ST8SIA3: variants seen among roughly 807,000 people sequenced by gnomAD.
ST8SIA3 encodes ST8 alpha-N-acetyl-neuraminide alpha-2,8-sialyltransferase 3, also known as alpha-N-acetylneuraminate alpha-2,8-sialyltransferase ST8SIA3.
In ST8SIA3, 17 loss-of-function variants were observed where a neutral mutation model predicts 34.5. The ratio of observed to expected loss-of-function variants is 0.49; its 90% confidence interval spans 0.34 to 0.74. The LOEUF (loss-of-function observed/expected upper bound fraction) is 0.74, where lower values mean the gene tolerates loss of function less well. Among genes scored for constraint, ST8SIA3 ranks in the 30% least tolerant of loss-of-function variants. The pLI is 0.01. For synonymous variants in ST8SIA3, 172 were observed against 176.1 expected (o/e 0.98, Z 0.19); for missense variants, 354 against 467.8 (o/e 0.76, Z 2.24).
rs1015279949 is a variant in ST8SIA3 at position 57,363,641 on chromosome 18, G to A, written c.*3364G>A. The A allele has an allele frequency of 6.6e-6, 1 of 152,240 alleles. No homozygotes were observed. The highest frequency in any genetic ancestry group is 2.4e-5 in the African/African-American group (1 of 41,452). The allele number at this position is 152,240 out of a possible 1,614,324, so 9.4% of individuals were successfully genotyped here. A position where few individuals can be genotyped will look rare whatever the true frequency, so the allele number is the denominator to read the frequency against. ...GTGCCAAGAGAAACCTAATTTGGTG[G>A]GGAAGCCAAGGAATGGGAGAACGTT... On this transcript the variant is annotated 3_prime_UTR_variant, in exon 4 of 4. Coordinates refer to ENST00000324000, the MANE Select transcript of ST8SIA3 (RefSeq NM_015879.3).
rs573976753 is a variant in ST8SIA3 at position 57,352,819 on chromosome 18, G to T, written c.-28G>T. 3 of 1,606,958 alleles carry T rather than the reference G, an allele frequency of 1.9e-6. No individual in the cohort carries two copies. In the South Asian group the frequency reaches 3.3e-5, roughly 18 times the overall value. On this transcript the variant is annotated 5_prime_UTR_variant, in exon 1 of 4. Coordinates refer to ENST00000324000, the MANE Select transcript of ST8SIA3 (RefSeq NM_015879.3). ...GGCCGCTCAATGGACCGATTTCCCC[G>T]GTTTCCCTGAACCCAGCCCAGCCCG...
chr18:57,354,355 C>T (rs996540714), intron 1 of ST8SIA3, 47 bp from the exon 2 acceptor site: 20 of 1,610,532 alleles, frequency 1.2e-5, no homozygotes, highest in African/African-American at 2.7e-5. Context: ...CCTCGGCTTC[C>T]CCGAGCTGAG....
intron 3 of ST8SIA3, among the ~76,000 whole-genome samples, chr18:57,359,072 A>G (rs949798196): frequency 2.6e-5 from 4 of 152,206 alleles, no homozygotes; most frequent in South Asian, 2.1e-4. Flanking sequence ...GGAGTTAATC[A>G]TAATGTTTCT....
At chr18:57,357,663 TG>T (rs896711362) in intron 3 of ST8SIA3, among the ~76,000 whole-genome samples, 193 bp downstream of exon 3, 5 of 152,224 alleles carry the variant, frequency 3.3e-5, no homozygotes, top group African/African-American at 9.6e-5. Context: ...TACCCACAGC[TG>T]GTAACCAAGT....
At position 57,360,535 on chromosome 18, in the gene ST8SIA3, T is replaced by G. The variant is rs1263110598; in HGVS notation, c.*258T>G. The G allele has an allele frequency of 4.4e-6, 2 of 453,278 alleles. No individual in the cohort carries two copies. The highest frequency in any genetic ancestry group is 1.9e-5 in the African/African-American group (1 of 51,292). 28.1% of individuals were successfully genotyped at this position (453,278 alleles called of 1,614,324 possible). A position where few individuals can be genotyped will look rare whatever the true frequency, so the allele number is the denominator to read the frequency against. Reference sequence around the variant, plus strand: ...GGACTATGCTGCTAACGAAATGGTTTGAAGTATTTTCATGTTTGGATTTTA... The same window carrying G: ...GGACTATGCTGCTAACGAAATGGTTGGAAGTATTTTCATGTTTGGATTTTA... On this transcript the variant is annotated 3_prime_UTR_variant, in exon 4 of 4. Coordinates refer to ENST00000324000, the MANE Select transcript of ST8SIA3 (RefSeq NM_015879.3).
At chr18:57,357,828 T>A (rs1268695299) in intron 3 of ST8SIA3, among the ~76,000 whole-genome samples, 2 of 152,188 alleles carry the variant, frequency 1.3e-5, no homozygotes, top group Admixed American at 1.3e-4. Flanking sequence ...AATGGCTAAA[T>A]TAGAGACAAA....
In ST8SIA3 at chr18:57,362,302, G is replaced by A. The variant is rs1446264780; in HGVS notation, c.*2025G>A. 3 of 152,142 alleles carry A rather than the reference G, an allele frequency of 2.0e-5. No individual in the cohort carries two copies. The highest frequency in any genetic ancestry group is 4.4e-5 in the Non-Finnish European group (3 of 68,030). The allele number at this position is 152,142 out of a possible 1,614,324, so 9.4% of individuals were successfully genotyped here. On this transcript the variant is annotated 3_prime_UTR_variant, in exon 4 of 4. Transcript: ENST00000324000. ...GAAGTGTTTAGTTGGCTGTTCCTGA[G>A]CACTTAGTTCATTTGGTTATAGCTA...
Position 57,366,131 on chromosome 18 carries a change from C to G in ST8SIA3, c.*5854C>G, listed in dbSNP as rs925611133. 2.0e-5 allele frequency: 3 copies of G among 152,192 alleles called. No homozygotes were observed. Among genetic ancestry groups the G allele is most frequent in the Non-Finnish European group, 4.4e-5 (3 of 68,036 alleles). 9.4% of individuals were successfully genotyped at this position (152,192 alleles called of 1,614,324 possible). Reference sequence around the variant, plus strand: ...GGCTCCAATACAGCATGAGCCAGCTCCAGCATAGCACTGCCTGAACAATTT... The same window carrying G: ...GGCTCCAATACAGCATGAGCCAGCTGCAGCATAGCACTGCCTGAACAATTT... On this transcript the variant is annotated 3_prime_UTR_variant, in exon 4 of 4. Transcript: ENST00000324000.
chr18:57,356,357 A>G (rs896931056), intron 2 of ST8SIA3, among the ~76,000 whole-genome samples: 4 of 152,218 alleles, frequency 2.6e-5, no homozygotes, highest in Admixed American at 2.0e-4. Context: ...TCTCATTTCT[A>G]TTAAATATTC....
In ST8SIA3 at chr18:57,365,496, C is replaced by G. The variant is rs2049855853; in HGVS notation, c.*5219C>G. 1 of 152,186 alleles carries G rather than the reference C, an allele frequency of 6.6e-6. No individual in the cohort carries two copies. Among genetic ancestry groups the G allele is most frequent in the Non-Finnish European group, 1.5e-5 (1 of 68,038 alleles). 9.4% of individuals were successfully genotyped at this position (152,186 alleles called of 1,614,324 possible). ...CAAGGCCAGCTCTTCATATTTCCCT[C>G]TTTATATTTCAAACTAAGAGGCAGA... On this transcript the variant is annotated 3_prime_UTR_variant, in exon 4 of 4. Transcript: ENST00000324000.
intron 3 of ST8SIA3, among the ~76,000 whole-genome samples, chr18:57,359,087 C>T (rs1435178991): frequency 1.3e-5 from 2 of 152,018 alleles, no homozygotes; most frequent in Non-Finnish European, 2.9e-5. Flanking sequence ...GTTTCTTAGC[C>T]ACTCGGGCCT....
In ST8SIA3 at chr18:57,362,214, A is replaced by G. The variant is rs963953429; in HGVS notation, c.*1937A>G. On this transcript the variant is annotated 3_prime_UTR_variant, in exon 4 of 4. Coordinates refer to ENST00000324000, the MANE Select transcript of ST8SIA3 (RefSeq NM_015879.3). Reference sequence around the variant, plus strand: ...GTGTTTGTTCCCTGTCCCTTTGAAGAGGACTGTACTACCATCCTCACACTG... The same window carrying G: ...GTGTTTGTTCCCTGTCCCTTTGAAGGGGACTGTACTACCATCCTCACACTG... 3 of 152,236 alleles carry G rather than the reference A, an allele frequency of 2.0e-5. No homozygotes were observed. The highest frequency in any genetic ancestry group is 2.9e-5 in the Non-Finnish European group (2 of 68,042). The allele number at this position is 152,236 out of a possible 1,614,324, so 9.4% of individuals were successfully genotyped here.
chr18:57,360,155 A>G lies in ST8SIA3; in HGVS notation c.1021A>G (p.Lys341Glu). The stretch of plus-strand genomic sequence containing the variant: ...AGATCTTCCATACCATTACTATGAC[A>G]AAAAAGGAACCAAATTTACCACCAA... ...REDLPYHYYD[K>E]KGTKFTTKWQ... is the part of the protein sequence containing the mutation. The change falls in exon 4 of 4, where the codon AAA becomes GAA. Residue 341 changes from lysine to glutamate, a missense_variant. Coordinates refer to ENST00000324000, the MANE Select transcript of ST8SIA3 (RefSeq NM_015879.3). 6.2e-7 allele frequency: 1 copy of G among 1,614,178 alleles called. No individual in the cohort carries two copies. Among genetic ancestry groups the G allele is most frequent in the Non-Finnish European group, 8.5e-7 (1 of 1,180,010 alleles).
intron 3 of ST8SIA3, among the ~76,000 whole-genome samples, chr18:57,358,052 T>C (rs968412062): frequency 7.9e-5 from 12 of 152,230 alleles, no homozygotes; most frequent in Middle Eastern, 3.2e-3. Context: ...TATTTTCTTC[T>C]AGTCTGGTGA....
At position 57,352,769 on chromosome 18, in the gene ST8SIA3, C is replaced by CACAT. The variant is rs758843003; in HGVS notation, c.-77_-76insCATA. The CACAT allele has an allele frequency of 4.7e-5, 48 of 1,024,756 alleles. No homozygotes were observed. The highest frequency in any genetic ancestry group is 6.1e-5 in the East Asian group (2 of 32,614). The allele number at this position is 1,024,756 out of a possible 1,614,324, so 63.5% of individuals were successfully genotyped here. ...ACACACACACACACACACACACACA[C>CACAT]ATATATACACGCCAGCGAGCTGCTG... On this transcript the variant is annotated 5_prime_UTR_variant, in exon 1 of 4. Transcript: ENST00000324000.
intron 1 of ST8SIA3, among the ~76,000 whole-genome samples, chr18:57,354,083 G>C (rs993693638): frequency 6.6e-6 from 1 of 152,240 alleles, no homozygotes; most frequent in African/African-American, 2.4e-5. Context: ...CGCTGTCCGC[G>C]GTGCTGATTC....
intron 1 of ST8SIA3, among the ~76,000 whole-genome samples, chr18:57,353,382 C>A (rs534730243): frequency 6.6e-6 from 1 of 151,910 alleles, no homozygotes; most frequent in Admixed American, 6.5e-5. Flanking sequence ...GATGGACAGG[C>A]GTGAGGGGAG....
intron 2 of ST8SIA3, among the ~76,000 whole-genome samples, chr18:57,355,040 AT>A (rs1223692012): frequency 6.6e-6 from 1 of 152,204 alleles, no homozygotes; most frequent in African/African-American, 2.4e-5. Context: ...GTATGTAGAT[AT>A]TTAACTATGG....
chr18:57,354,303 G>A, intron 1 of ST8SIA3, 99 bp from the exon 2 acceptor site: 4 of 1,511,892 alleles, frequency 2.6e-6, no homozygotes, highest in South Asian at 1.2e-5. Flanking sequence ...GCCCGCACGC[G>A]TACCAGCCGC....
Sources: gnomAD v4.1 joint callset for allele counts (sites outside exome capture counted in the v4.1 genomes callset) on GRCh38, gnomAD v4.1.1 for gene constraint, MANE v1.5 for transcripts, NCBI Gene and HGNC (gene_info 2026-07-23, HGNC 2026-07-21) for gene names.